KCNN2: variants seen among roughly 807,000 people sequenced by gnomAD.
KCNN2 encodes potassium calcium-activated channel subfamily N member 2.
Under a neutral mutation model 55.5 loss-of-function variants are expected in KCNN2, and 24 were observed. The ratio of observed to expected loss-of-function variants is 0.43; its 90% CI spans 0.31 to 0.61. The LOEUF is 0.61. Among genes scored for constraint, KCNN2 ranks in the 20% least tolerant of loss-of-function variants. KCNN2 has a pLI of 0.08. For synonymous variants in KCNN2, 431 were observed against 336.1 expected, an observed-to-expected ratio of 1.28 and a Z score of -3.09; for missense variants, 754 against 853.6, an observed-to-expected ratio of 0.88 and a Z score of 1.45.
intron 2 of KCNN2, among the ~76,000 whole-genome samples, chr5:114,234,975 G>A (rs980319783): frequency 3.3e-5 from 5 of 152,124 alleles, no homozygotes; most frequent in African/African-American, 1.2e-4. Context: ...TTTATGTCCT[G>A]TTTTGGGGGC....
chr5:114,252,468 T>C (rs1561541349), intron 2 of KCNN2, among the ~76,000 whole-genome samples: 1 of 152,120 alleles, frequency 6.6e-6, no homozygotes, highest in Non-Finnish European at 1.5e-5. Context: ...TAGTTCTGCA[T>C]TTGTACAGAT....
At chr5:114,082,245 G>C (rs1320945280) in intron 1 of KCNN2, among the ~76,000 whole-genome samples, 1 of 151,650 alleles carries the variant, frequency 6.6e-6, no homozygotes, top group Non-Finnish European at 1.5e-5. Context: ...GATTACTTGA[G>C]CCCAGGAGGT....
intron 2 of KCNN2, among the ~76,000 whole-genome samples, chr5:114,312,420 CACACACACACACACATATATATATATAT>C (rs1336833112): frequency 0.013 from 894 of 67,672 alleles, 14 homozygotes; most frequent in African/African-American, 0.047. Flanking sequence ...CACACACACA[CACACACACACACACATATATATATATAT>C]ATATATATAT....
intron 1 of KCNN2, among the ~76,000 whole-genome samples, chr5:114,061,720 A>G (rs904991046): frequency 1.3e-5 from 2 of 152,084 alleles, no homozygotes; most frequent in Admixed American, 6.6e-5. Context: ...AACCATTCTG[A>G]TCTCTGGGAC....
At chr5:114,485,901 C>T (rs1048976047) in intron 5 of KCNN2, among the ~76,000 whole-genome samples, 2 of 152,070 alleles carry the variant, frequency 1.3e-5, no homozygotes, top group Admixed American at 6.6e-5. Flanking sequence ...CAAACTTGGG[C>T]CCATAGTTTA....
chr5:114,370,415 G>T (rs1487840353), intron 2 of KCNN2, among the ~76,000 whole-genome samples: 1 of 152,082 alleles, frequency 6.6e-6, no homozygotes, highest in Non-Finnish European at 1.5e-5. Flanking sequence ...TCTTGGAGCT[G>T]ATATTCCAAG....
At chr5:114,242,068 A>C (rs1754655945) in intron 2 of KCNN2, among the ~76,000 whole-genome samples, 1 of 151,526 alleles carries the variant, frequency 6.6e-6, no homozygotes, top group African/African-American at 2.4e-5. Flanking sequence ...GGAGAGTGTC[A>C]GGTAACACAT....
rs192587834 is a variant in KCNN2 at position 114,064,878 on chromosome 5, G to A, written c.-271+8378G>A. 1.9e-3 allele frequency among the ~76,000 whole-genome samples: 290 copies of A among 152,278 alleles called. 3 individuals carry two copies. The highest frequency in any genetic ancestry group is 6.6e-3 in the African/African-American group (273 of 41,556). On this transcript the variant is annotated intron_variant, in intron 1 of 10. Coordinates refer to the KCNN2 transcript ENST00000512097. ...ATTATTAGTGATAGTGAACAAAGAT[G>A]TGGTAGCTTCAACAGTCTTTCCCTT... is the stretch of plus-strand genomic sequence containing the variant.
intron 2 of KCNN2, among the ~76,000 whole-genome samples, chr5:114,374,039 G>A (rs1382978949): frequency 6.6e-6 from 1 of 152,020 alleles, no homozygotes; most frequent in Admixed American, 6.6e-5. Flanking sequence ...AATTTTGTCT[G>A]TTAGGTTTTG....
At chr5:114,225,427 T>G (rs1297284022) in intron 2 of KCNN2, among the ~76,000 whole-genome samples, 1 of 152,146 alleles carries the variant, frequency 6.6e-6, no homozygotes, top group Non-Finnish European at 1.5e-5. Flanking sequence ...AAAGGTGGAA[T>G]AGAAGAAATA....
At chr5:114,186,706 T>C (rs1208407559) in intron 1 of KCNN2, among the ~76,000 whole-genome samples, 1 of 152,182 alleles carries the variant, frequency 6.6e-6, no homozygotes, top group Non-Finnish European at 1.5e-5. Flanking sequence ...TTATACGTGA[T>C]AAAAATGGAC....
At chr5:114,369,312 A>G (rs1291705700) in intron 2 of KCNN2, among the ~76,000 whole-genome samples, 1 of 152,202 alleles carries the variant, frequency 6.6e-6, no homozygotes, top group South Asian at 2.1e-4. Flanking sequence ...CTTTGCATCT[A>G]TTTTGTAATA....
At chr5:114,262,313 A>G (rs1288703690) in intron 2 of KCNN2, among the ~76,000 whole-genome samples, 1 of 152,202 alleles carries the variant, frequency 6.6e-6, no homozygotes, top group African/African-American at 2.4e-5. Context: ...CAGTAGTCTC[A>G]GACTCTGAAA....
At chr5:114,241,784 G>GTGTA (rs1754640975) in intron 2 of KCNN2, among the ~76,000 whole-genome samples, 1 of 3,280 alleles carries the variant, frequency 3.0e-4, no homozygotes, top group Non-Finnish European at 5.4e-4. Context: ...ACATATATAC[G>GTGTA]TATATATATG....
chr5:114,385,752 C>T (rs337686), intron 2 of KCNN2, among the ~76,000 whole-genome samples: 18,827 of 151,770 alleles, frequency 0.12, 1,942 homozygotes, highest in African/African-American at 0.29. Flanking sequence ...ATTAGTATCC[C>T]GTCATAATAG....
At chr5:114,307,734 C>G (rs185783829) in intron 2 of KCNN2, among the ~76,000 whole-genome samples, 2 of 152,178 alleles carry the variant, frequency 1.3e-5, no homozygotes, top group Non-Finnish European at 2.9e-5. Context: ...ACATTTCTAC[C>G]TCCTCAAGCC....
rs796108226 is a variant in KCNN2 at position 114,315,505 on chromosome 5, C to A, written c.-184-45440C>A. On this transcript the variant is annotated intron_variant, in intron 2 of 10. Transcript: ENST00000512097. ...ACTTCTGTTTTAAAAGTGGACTATT[C>A]TTATTATTTGTGATTCATGTTCATA... Among the ~76,000 whole-genome samples the A allele has an allele frequency of 6.0e-5, 9 of 149,056 alleles. No individual in the cohort carries two copies. The East Asian group carries it at 1.4e-3, about 23-fold the overall frequency.
intron 5 of KCNN2, 194 bp from the exon 6 acceptor site, chr5:114,486,856 T>TA (rs1289685078): frequency 1.5e-5 from 17 of 1,166,588 alleles, no homozygotes; most frequent in Middle Eastern, 4.0e-4. Flanking sequence ...CTATTTCAAT[T>TA]TAAGTGTTGT....
chr5:114,490,687 A>T, intron 6 of KCNN2: 1 of 398,176 alleles, frequency 2.5e-6, no homozygotes, highest in East Asian at 3.6e-5. Flanking sequence ...CAAAATGAAA[A>T]TAGAGCTCGG....
Sources: allele counts gnomAD v4.1 joint callset (sites outside exome capture counted in the v4.1 genomes callset), GRCh38; gene constraint gnomAD v4.1.1; transcripts MANE v1.5; gene names NCBI Gene and HGNC (gene_info 2026-07-23, HGNC 2026-07-21).